DHX37: variants seen among roughly 807,000 people sequenced by gnomAD.
DHX37 encodes the protein probable ATP-dependent RNA helicase DHX37.
DHX37 carries 52 observed loss-of-function variants against 134.3 expected under a neutral mutation model. That is an observed-to-expected ratio of 0.39 (90% CI 0.31 to 0.49). DHX37 has a LOEUF of 0.49. Ranked by LOEUF, DHX37 falls within the 20% of genes least tolerant of loss-of-function variation. DHX37 has a pLI of 0.93. For synonymous variants in DHX37, 634 were observed against 670.7 expected (o/e 0.95, Z 0.85); for missense variants, 1,344 against 1,580.8 (o/e 0.85, Z 2.54).
intron 1 of DHX37, among the ~76,000 whole-genome samples, chr12:124,986,832 G>A (rs1441263117): frequency 2.6e-5 from 4 of 151,842 alleles, no homozygotes; most frequent in Non-Finnish European, 4.4e-5. Flanking sequence ...TTCAACCTCC[G>A]CCTCCCAGGT....
chr12:124,972,417 C>T (rs1954540685), intron 7 of DHX37, 86 bp downstream of exon 7: 2 of 1,431,422 alleles, frequency 1.4e-6, no homozygotes, highest in Non-Finnish European at 9.8e-7. Flanking sequence ...AGGTGGCTTG[C>T]CGGCTGCTCA....
intron 21 of DHX37, among the ~76,000 whole-genome samples, chr12:124,951,072 AC>A (rs999521655): frequency 6.6e-6 from 1 of 152,168 alleles, no homozygotes; most frequent in Non-Finnish European, 1.5e-5. Context: ...AGAGTTCGAG[AC>A]CAGCCTGGCT....
chr12:124,954,126 C>T lies in DHX37; in HGVS notation c.2539G>A (p.Gly847Arg). Residue 847 changes from glycine to arginine, a missense_variant, in exon 19 of 27, where the codon GGG (glycine) becomes AGG (arginine). By Grantham distance (125) the Gly-to-Arg change is moderately radical (BLOSUM62 -2). Transcript: ENST00000308736. The stretch of plus-strand genomic sequence containing the variant: ...AGGTCGCCGAGCTTCAGAGAAGCCC[C>T]CTGCCCTGCCCAGGTCCTCTTCATC... Reference protein sequence around the residue: ...AQMKRTWAGQGASLKLGDLMV... With the variant: ...AQMKRTWAGQRASLKLGDLMV... 1 of 1,612,394 alleles carries T rather than the reference C, an allele frequency of 6.2e-7. No homozygotes were observed. The highest frequency in any genetic ancestry group is 8.5e-7 in the Non-Finnish European group (1 of 1,179,212).
chr12:124,982,974 G>C (rs1954786692), intron 2 of DHX37, among the ~76,000 whole-genome samples: 1 of 152,208 alleles, frequency 6.6e-6, no homozygotes, highest in Admixed American at 6.5e-5. Context: ...GCGGCTTTGT[G>C]TGTCTGATGT....
At chr12:124,987,855 A>G (rs533393979) in intron 1 of DHX37, among the ~76,000 whole-genome samples, 48 of 152,146 alleles carry the variant, frequency 3.2e-4, no homozygotes, top group Non-Finnish European at 6.2e-4. Context: ...TTGACACTCA[A>G]AAACTTTTGA....
chr12:124,950,402 C>T lies in DHX37; in HGVS notation c.3121+11G>A. The T allele has an allele frequency of 1.3e-6, 2 of 1,598,374 alleles. No homozygotes were observed. The highest frequency in any genetic ancestry group is 1.7e-6 in the Non-Finnish European group (2 of 1,172,530). Reference sequence around the variant, plus strand: ...GAGGCTCAGGTTGCCCAGGACACTGCCCCAACTCACAGAACACGCTGGCCC... The same window carrying T: ...GAGGCTCAGGTTGCCCAGGACACTGTCCCAACTCACAGAACACGCTGGCCC... On this transcript the variant is annotated intron_variant, in intron 23 of 26. Coordinates refer to ENST00000308736, the MANE Select transcript of DHX37 (RefSeq NM_032656.4).
At chr12:124,983,221 G>A (rs985041464) in intron 2 of DHX37, among the ~76,000 whole-genome samples, 1 of 152,022 alleles carries the variant, frequency 6.6e-6, no homozygotes, top group Non-Finnish European at 1.5e-5. Flanking sequence ...CCATTCTCCT[G>A]CCTCAGCCTC....
intron 3 of DHX37, among the ~76,000 whole-genome samples, chr12:124,982,189 C>A (rs961400157): frequency 2.0e-5 from 3 of 152,018 alleles, no homozygotes; most frequent in Non-Finnish European, 4.4e-5. Context: ...CAAATCCAGC[C>A]CTTGACCACC....
At chr12:124,963,061 C>T (rs1954299262) in intron 15 of DHX37, among the ~76,000 whole-genome samples, 1 of 152,178 alleles carries the variant, frequency 6.6e-6, no homozygotes, top group African/African-American at 2.4e-5. Flanking sequence ...GTGTTCAGAG[C>T]AGCACTATCC....
chr12:124,951,294 AAAAGG>A (rs928255249), intron 21 of DHX37, among the ~76,000 whole-genome samples: 1 of 151,956 alleles, frequency 6.6e-6, no homozygotes, highest in African/African-American at 2.4e-5. Context: ...AAAAAAAAAA[AAAAGG>A]AAGCACCGAC....
At chr12:124,968,764 T>TG (rs1321803291) in intron 9 of DHX37, 103 bp downstream of exon 9, 2 of 1,596,788 alleles carry the variant, frequency 1.3e-6, no homozygotes, top group Non-Finnish European at 1.7e-6. Context: ...TCCAAGCTGC[T>TG]GTCAATCCCC....
At chr12:124,955,927 C>T (rs11830427) in intron 18 of DHX37, among the ~76,000 whole-genome samples, 38,106 of 116,802 alleles carry the variant, frequency 0.33, 6,538 homozygotes, top group African/African-American at 0.55. Flanking sequence ...TGGGTGGGAC[C>T]GGGGAGGGGA....
intron 21 of DHX37, 77 bp from the exon 22 acceptor site, chr12:124,950,881 G>T (rs1234574046): frequency 3.4e-6 from 5 of 1,478,520 alleles, no homozygotes; most frequent in Non-Finnish European, 4.5e-6. Context: ...CCCAGGAGAA[G>T]AATCTGATTA....
chr12:124,962,249 G>A lies in DHX37; in HGVS notation c.2046-1826C>T, dbSNP rs185535075. ...CAAAACAAAAATATTAAAAATAAGT[G>A]TTGGTGCTGGCCAGGCGTGGTGGTT... is the stretch of plus-strand genomic sequence containing the variant. On this transcript the variant is annotated intron_variant, in intron 15 of 26. Coordinates refer to ENST00000308736, the MANE Select transcript of DHX37 (RefSeq NM_032656.4). Among the ~76,000 whole-genome samples the A allele has an allele frequency of 1.3e-4, 20 of 152,274 alleles. No individual in the cohort carries two copies. In the East Asian group the frequency reaches 2.9e-3, roughly 22 times the overall value.
At chr12:124,976,307 G>T (rs1310020602) in intron 5 of DHX37, among the ~76,000 whole-genome samples, 3 of 152,230 alleles carry the variant, frequency 2.0e-5, no homozygotes, top group Admixed American at 2.0e-4. Flanking sequence ...CCATGTGCAG[G>T]ATAACATGCT....
In DHX37 at chr12:124,968,635, T is replaced by G. The variant is rs1243173597; in HGVS notation, c.1307A>C (p.Gln436Pro). The G allele has an allele frequency of 3.1e-6, 5 of 1,614,106 alleles. No individual in the cohort carries two copies. The highest frequency in any genetic ancestry group is 4.2e-6 in the Non-Finnish European group (5 of 1,180,044). The change falls in exon 10 of 27, where the codon CAG (glutamine) becomes CCG (proline). Residue 436 changes from glutamine to proline, a missense_variant. Physicochemically the swap from Gln to Pro is moderately conservative, Grantham distance 76. This residue lies in a region of DHX37 where 289 missense variants were observed against 323.8 expected (regional missense o/e 0.89). Transcript: ENST00000308736. ...PPPVIKVESR[Q>P]FPVTVHFNKR... The stretch of plus-strand genomic sequence containing the variant: ...GTTGAAATGCACAGTCACTGGGAAC[T>G]GCCTGGATTCCACCTGTGGGACGCC...
chr12:124,988,928 A>G lies in DHX37; in HGVS notation c.95T>C (p.Leu32Pro). The change falls in exon 1 of 27, where the codon CTG becomes CCG. Residue 32 changes from leucine (L) to proline (P), a missense_variant. This residue lies in a region of DHX37 where 319 missense variants were observed against 296.1 expected (regional missense o/e 1.08). Coordinates refer to ENST00000308736, the MANE Select transcript of DHX37 (RefSeq NM_032656.4). ...CGGGGATGTCTTACCCTCCAGTTCC[A>G]GCTGCACGGGGGGCGGCTCGGGGGG... ...KGPPEPPPVQ[L>P]ELEDKDTLKG... 1 of 1,333,416 alleles carries G rather than the reference A, an allele frequency of 7.5e-7. No homozygotes were observed. The allele number at this position is 1,333,416 out of a possible 1,614,324, so 82.6% of individuals were successfully genotyped here.
rs766198958 is a variant in DHX37 at position 124,960,439 on chromosome 12, C to G, written c.2046-16G>C. On this transcript the variant is annotated splice_polypyrimidine_tract_variant and intron_variant, in intron 15 of 26. Coordinates refer to ENST00000308736, the MANE Select transcript of DHX37 (RefSeq NM_032656.4). ...TGAATACAGCCTGGATGGAGAGAAA[C>G]CGGGACAACAAACACAAAACTCACA... is the stretch of plus-strand genomic sequence containing the variant. 2 of 1,604,466 alleles carry G rather than the reference C, an allele frequency of 1.2e-6. No homozygotes were observed. Among genetic ancestry groups the G allele is most frequent in the East Asian group, 4.5e-5 (2 of 44,748 alleles).
At chr12:124,985,240 T>C (rs1169462344) in intron 2 of DHX37, among the ~76,000 whole-genome samples, 1 of 152,182 alleles carries the variant, frequency 6.6e-6, no homozygotes, top group Admixed American at 6.5e-5. Context: ...ATTCACTGTA[T>C]GTGGGATTTG....
Sources: allele counts gnomAD v4.1 joint callset (sites outside exome capture counted in the v4.1 genomes callset), GRCh38; gene constraint gnomAD v4.1.1; regional missense constraint gnomAD v4.1.1; transcripts MANE v1.5; gene names NCBI Gene and HGNC (gene_info 2026-07-23, HGNC 2026-07-21).